GNAZ: variants seen among roughly 807,000 people sequenced by gnomAD.
The protein encoded by GNAZ is guanine nucleotide-binding protein G(z) subunit alpha.
Under a neutral mutation model 25.4 loss-of-function variants are expected in GNAZ, and 3 were observed. The ratio of observed to expected loss-of-function variants is 0.12; its 90% CI spans 0.05 to 0.30. The LOEUF (loss-of-function observed/expected upper bound fraction) is 0.30. GNAZ is among the 10% of genes least tolerant of loss of function. The pLI, the probability that GNAZ is intolerant of heterozygous loss-of-function variation, is 1.00. For synonymous variants in GNAZ, 211 were observed against 205.7 expected, an observed-to-expected ratio of 1.03 and a Z score of -0.22; for missense variants, 241 against 501.8, an observed-to-expected ratio of 0.48 and a Z score of 4.97.
chr22:23,086,247 T>C (rs6003499), intron 1 of GNAZ, among the ~76,000 whole-genome samples: 52,386 of 152,152 alleles, frequency 0.34, 9,821 homozygotes, highest in African/African-American at 0.5. Flanking sequence ...GGGGCCCAGT[T>C]GGAGGGCTTG....
chr22:23,097,578 A>C (rs1020666968), intron 2 of GNAZ, among the ~76,000 whole-genome samples: 4 of 152,264 alleles, frequency 2.6e-5, no homozygotes, highest in Non-Finnish European at 5.9e-5. Context: ...ACGGACGGGC[A>C]GGCAGGTGTG....
At chr22:23,092,561 T>C (rs758436781) in intron 1 of GNAZ, among the ~76,000 whole-genome samples, 1 of 152,208 alleles carries the variant, frequency 6.6e-6, no homozygotes, top group Non-Finnish European at 1.5e-5. Context: ...CCCTGATGCA[T>C]GTGATTGCTA....
Position 23,095,694 on chromosome 22 carries a change from C to A in GNAZ, c.-2C>A. The A allele has an allele frequency of 6.2e-7, 1 of 1,602,302 alleles. No homozygotes were observed. The highest frequency in any genetic ancestry group is 8.5e-7 in the Non-Finnish European group (1 of 1,174,420). On this transcript the variant is annotated 5_prime_UTR_variant, in exon 2 of 3. Coordinates refer to ENST00000615612, the MANE Select transcript of GNAZ (RefSeq NM_002073.4). ...CTTGTCTGGGCCCGCTGCTGCCAGA[C>A]CATGGGATGTCGGCAAAGCTCAGAG...
At chr22:23,107,092 G>A (rs1446352121) in intron 2 of GNAZ, among the ~76,000 whole-genome samples, 6 of 152,238 alleles carry the variant, frequency 3.9e-5, no homozygotes, top group Admixed American at 6.5e-5. Flanking sequence ...GGGCTTTAGC[G>A]GCAGCCTGTT....
At chr22:23,099,707 G>A (rs528504716) in intron 2 of GNAZ, among the ~76,000 whole-genome samples, 5 of 152,298 alleles carry the variant, frequency 3.3e-5, no homozygotes, top group African/African-American at 9.6e-5. Flanking sequence ...TCTGCCCCTC[G>A]TCTTTAGTAC....
At chr22:23,110,423 C>A (rs1201405257) in intron 2 of GNAZ, among the ~76,000 whole-genome samples, 2 of 152,224 alleles carry the variant, frequency 1.3e-5, no homozygotes, top group African/African-American at 4.8e-5. Flanking sequence ...GAGGCCCACC[C>A]CACCCATGGT....
At chr22:23,117,263 G>A (rs1354859372) in intron 2 of GNAZ, among the ~76,000 whole-genome samples, 1 of 152,144 alleles carries the variant, frequency 6.6e-6, no homozygotes, top group African/African-American at 2.4e-5. Flanking sequence ...TGAGCCAGAG[G>A]TGCCGACACG....
chr22:23,094,190 T>C (rs778719838), intron 1 of GNAZ, among the ~76,000 whole-genome samples: 2 of 151,882 alleles, frequency 1.3e-5, no homozygotes, highest in Non-Finnish European at 2.9e-5. Context: ...GCTGCGTGGG[T>C]CTCCGGACAG....
intron 1 of GNAZ, among the ~76,000 whole-genome samples, chr22:23,076,962 T>C (rs1032566373): frequency 2.0e-5 from 3 of 152,206 alleles, no homozygotes; most frequent in Non-Finnish European, 2.9e-5. Flanking sequence ...AGTTGGAAGC[T>C]CTGGGCTGGG....
intron 2 of GNAZ, among the ~76,000 whole-genome samples, chr22:23,098,235 C>G (rs2069180682): frequency 6.6e-6 from 1 of 152,252 alleles, no homozygotes; most frequent in Non-Finnish European, 1.5e-5. Context: ...CAGCCTTAAG[C>G]TTGTAATGAT....
At chr22:23,087,882 T>C (rs559819591) in intron 1 of GNAZ, among the ~76,000 whole-genome samples, 56 of 152,180 alleles carry the variant, frequency 3.7e-4, no homozygotes, top group African/African-American at 1.3e-3. Context: ...TTAGGGAGGG[T>C]CAGAATCTTT....
intron 1 of GNAZ, among the ~76,000 whole-genome samples, chr22:23,074,709 G>C (rs2068467318): frequency 6.6e-6 from 1 of 152,134 alleles, no homozygotes; most frequent in Admixed American, 6.5e-5. Flanking sequence ...GAGAGATTGA[G>C]GATTGACGGG....
At chr22:23,118,496 C>CG (rs2069916860) in intron 2 of GNAZ, among the ~76,000 whole-genome samples, 1 of 133,096 alleles carries the variant, frequency 7.5e-6, no homozygotes, top group Admixed American at 7.4e-5. Context: ...CCCGCGGCTG[C>CG]CTTGGCAGCC....
chr22:23,091,279 C>G (rs527799620), intron 1 of GNAZ, among the ~76,000 whole-genome samples: 1 of 152,236 alleles, frequency 6.6e-6, no homozygotes, highest in Non-Finnish European at 1.5e-5. Flanking sequence ...TGCACCTGCA[C>G]TCTCACAGAC....
At chr22:23,116,162 C>T (rs2069829703) in intron 2 of GNAZ, among the ~76,000 whole-genome samples, 2 of 152,266 alleles carry the variant, frequency 1.3e-5, no homozygotes, top group Admixed American at 6.5e-5. Context: ...CCATGACCTC[C>T]GTCTCCTCAC....
intron 2 of GNAZ, among the ~76,000 whole-genome samples, chr22:23,115,546 G>A (rs929158377): frequency 6.6e-6 from 1 of 152,156 alleles, no homozygotes; most frequent in Non-Finnish European, 1.5e-5. Flanking sequence ...GGGGAGCGAG[G>A]AGGAGGCCCA....
At chr22:23,111,321 C>CA (rs1569181913) in intron 2 of GNAZ, among the ~76,000 whole-genome samples, 64 of 152,304 alleles carry the variant, frequency 4.2e-4, no homozygotes, top group African/African-American at 1.3e-3. Flanking sequence ...GCAGGGGGTG[C>CA]GGCCACAAAT....
At chr22:23,114,798 C>G (rs933227213) in intron 2 of GNAZ, among the ~76,000 whole-genome samples, 11 of 152,226 alleles carry the variant, frequency 7.2e-5, no homozygotes, top group Admixed American at 5.2e-4. Context: ...CACACCGGCT[C>G]CAGCATTCCC....
At chr22:23,083,555 C>T (rs1336440636) in intron 1 of GNAZ, among the ~76,000 whole-genome samples, 1 of 152,140 alleles carries the variant, frequency 6.6e-6, no homozygotes, top group Non-Finnish European at 1.5e-5. Context: ...TCGAGGGAAG[C>T]AGAGCTGGTG....
Sources: allele counts gnomAD v4.1 joint callset (sites outside exome capture counted in the v4.1 genomes callset), GRCh38; gene constraint gnomAD v4.1.1; transcripts MANE v1.5; gene names NCBI Gene and HGNC (gene_info 2026-07-23, HGNC 2026-07-21).